TCF4: variants seen among roughly 807,000 people sequenced by gnomAD.
The protein encoded by TCF4 is SL3-3 enhancer factor 2.
In TCF4, 3 loss-of-function variants were observed where a neutral mutation model predicts 82.1. The ratio of observed to expected loss-of-function variants is 0.04; its 90% CI spans 0.02 to 0.09. The LOEUF is 0.09. Ranked by LOEUF, TCF4 falls within the 10% of genes least tolerant of loss-of-function variation. The probability of loss-of-function intolerance (pLI) is 1.00; values close to 1 mark genes in which losing one functional copy is unlikely to be tolerated. For synonymous variants in TCF4, 276 were observed against 309.6 expected (o/e 0.89, Z 1.14); for missense variants, 518 against 852.7 (o/e 0.61, Z 4.89).
At chr18:55,543,752 T>C (rs992571100) in intron 3 of TCF4, among the ~76,000 whole-genome samples, 4 of 152,042 alleles carry the variant, frequency 2.6e-5, no homozygotes, top group African/African-American at 9.7e-5. Flanking sequence ...AAACACAAAA[T>C]GAAGAGGATA....
chr18:55,608,885 T>A (rs12458118), intron 2 of TCF4, among the ~76,000 whole-genome samples: 70,335 of 151,924 alleles, frequency 0.46, 17,706 homozygotes, highest in Admixed American at 0.63. Context: ...ACTAAATGCT[T>A]GTATCACCTC....
At chr18:55,387,314 A>G (rs1344005568) in intron 6 of TCF4, among the ~76,000 whole-genome samples, 1 of 152,248 alleles carries the variant, frequency 6.6e-6, no homozygotes, top group Non-Finnish European at 1.5e-5. Flanking sequence ...TAACCAGAAC[A>G]AGGGAGGCCT....
At chr18:55,349,756 G>T (rs778525855) in intron 8 of TCF4, among the ~76,000 whole-genome samples, 24 of 152,084 alleles carry the variant, frequency 1.6e-4, no homozygotes, top group Non-Finnish European at 2.9e-4. Context: ...CCTGGGGGTG[G>T]GTGGGGGATA....
chr18:55,410,368 AGTATCTTAAGGT>A (rs752520396), intron 5 of TCF4, among the ~76,000 whole-genome samples: 8 of 152,118 alleles, frequency 5.3e-5, no homozygotes, highest in Non-Finnish European at 1.2e-4. Flanking sequence ...AACCCCAGAT[AGTATCTTAAGGT>A]GCCACCAAAA....
At chr18:55,232,742 G>T in intron 16 of TCF4, 71 bp from the exon 17 acceptor site, 1 of 1,572,998 alleles carries the variant, frequency 6.4e-7, no homozygotes, top group Non-Finnish European at 8.7e-7. Flanking sequence ...TTGCAAGGCT[G>T]CCAGCAGACA....
chr18:55,450,890 AC>A (rs1282288371), intron 5 of TCF4, among the ~76,000 whole-genome samples: 1 of 152,196 alleles, frequency 6.6e-6, no homozygotes, highest in Non-Finnish European at 1.5e-5. Flanking sequence ...CCACTCAAAC[AC>A]CACACCAGGG....
intron 8 of TCF4, among the ~76,000 whole-genome samples, chr18:55,290,695 A>G (rs9949509): frequency 0.016 from 2,406 of 152,232 alleles, 65 homozygotes; most frequent in African/African-American, 0.055. Context: ...ACAGACAGCC[A>G]AAAAGCCATC....
At chr18:55,455,909 A>G (rs1009127159) in intron 5 of TCF4, among the ~76,000 whole-genome samples, 1 of 152,200 alleles carries the variant, frequency 6.6e-6, no homozygotes, top group Non-Finnish European at 1.5e-5. Flanking sequence ...GTAAAAGCTG[A>G]TTCATTGGTT....
chr18:55,342,447 A>G lies in TCF4; in HGVS notation c.549+7912T>C, dbSNP rs997880695. Among the ~76,000 whole-genome samples, 9 of 152,152 alleles carry G rather than the reference A, an allele frequency of 5.9e-5. No homozygotes were observed. In the South Asian group the frequency reaches 1.7e-3, roughly 28 times the overall value. On this transcript the variant is annotated intron_variant, in intron 8 of 19. Transcript: ENST00000354452. ...CATATGCCTGAGTATTAAATGGCAGAATTTCGAATTTATTTTATGTAACAA... is the reference window on the plus strand; with the variant it reads ...CATATGCCTGAGTATTAAATGGCAGGATTTCGAATTTATTTTATGTAACAA...
chr18:55,533,862 T>C (rs2097091962), intron 3 of TCF4, among the ~76,000 whole-genome samples: 2 of 152,200 alleles, frequency 1.3e-5, no homozygotes, highest in Non-Finnish European at 2.9e-5. Flanking sequence ...TACCTTTCCC[T>C]TGTTCTTTCT....
intron 3 of TCF4, among the ~76,000 whole-genome samples, chr18:55,520,349 T>C (rs2096922788): frequency 6.6e-6 from 1 of 152,182 alleles, no homozygotes; most frequent in Non-Finnish European, 1.5e-5. Context: ...TCTTCAGCTA[T>C]ATAAATATAG....
intron 8 of TCF4, among the ~76,000 whole-genome samples, chr18:55,297,148 T>G (rs12955328): frequency 1.5e-3 from 109 of 74,700 alleles, no homozygotes; most frequent in South Asian, 0.013. Flanking sequence ...TTCTTTGAGG[T>G]TTTTTTTTTT....
At chr18:55,448,446 C>T (rs962409999) in intron 5 of TCF4, among the ~76,000 whole-genome samples, 13 of 152,206 alleles carry the variant, frequency 8.5e-5, no homozygotes, top group East Asian at 1.9e-4. Flanking sequence ...ATCCATTGTA[C>T]GTTGCCTGAC....
chr18:55,427,400 C>A (rs997763829), intron 5 of TCF4, among the ~76,000 whole-genome samples: 1 of 152,158 alleles, frequency 6.6e-6, no homozygotes, highest in Non-Finnish European at 1.5e-5. Flanking sequence ...TTACTATTAA[C>A]TACATTAATA....
intron 8 of TCF4, chr18:55,302,540 T>C (rs2068665270): frequency 5.2e-6 from 8 of 1,535,854 alleles, no homozygotes; most frequent in Non-Finnish European, 7.0e-6. Context: ...AGAACTTCAA[T>C]CTGACACACA....
intron 6 of TCF4, among the ~76,000 whole-genome samples, chr18:55,358,242 A>G (rs1412325787): frequency 6.6e-6 from 1 of 152,284 alleles, no homozygotes; most frequent in Non-Finnish European, 1.5e-5. Context: ...CTATTGATCA[A>G]ATCGAGGTCT....
intron 6 of TCF4, among the ~76,000 whole-genome samples, chr18:55,380,930 G>A (rs1413579238): frequency 6.6e-6 from 1 of 152,158 alleles, no homozygotes; most frequent in East Asian, 1.9e-4. Context: ...TTTCCTGTGT[G>A]ATCTAGAGGA....
rs1374372923 is a variant in TCF4 at position 55,608,191 on chromosome 18, A to G, written c.287-21055T>C. Among the ~76,000 whole-genome samples the G allele has an allele frequency of 3.9e-5, 6 of 152,248 alleles. No homozygotes were observed. The East Asian group carries it at 1.2e-3, about 29-fold the overall frequency. Reference sequence around the variant, plus strand: ...AATTTATTTTCTTCTCCTTGATAACATTATAGAAGATTTTAATATACTGAT... The same window carrying G: ...AATTTATTTTCTTCTCCTTGATAACGTTATAGAAGATTTTAATATACTGAT... On this transcript the variant is annotated intron_variant, in intron 2 of 20. Coordinates refer to the TCF4 transcript ENST00000398339.
chr18:55,460,942 G>T, intron 5 of TCF4, 77 bp downstream of exon 5: 1 of 1,287,340 alleles, frequency 7.8e-7, no homozygotes, highest in Non-Finnish European at 1.1e-6. Flanking sequence ...CAGAACCTCT[G>T]TCTAGGACAT....
Sources: allele counts gnomAD v4.1 joint callset (sites outside exome capture counted in the v4.1 genomes callset), GRCh38; gene constraint gnomAD v4.1.1; transcripts MANE v1.5; gene names NCBI Gene and HGNC (gene_info 2026-07-23, HGNC 2026-07-21).